TMC6: variants seen among roughly 807,000 people sequenced by gnomAD.
The protein encoded by TMC6 is transmembrane channel like 6.
Under a neutral mutation model 95.4 loss-of-function variants are expected in TMC6, and 71 were observed. That is an observed-to-expected ratio of 0.74 (90% CI 0.61 to 0.91). The LOEUF (loss-of-function observed/expected upper bound fraction) is 0.91. Among genes scored for constraint, TMC6 ranks in the 40% least tolerant of loss-of-function variants. TMC6 has a pLI of 0.00. For missense variants in TMC6, 1,074 were observed against 1,079.1 expected (o/e 1.00, Z 0.07); for synonymous variants, 514 against 483.1 (o/e 1.06, Z -0.84).
chr17:78,131,118 C>T (rs955456441), upstream of TMC6: 48 of 232,566 alleles, frequency 2.1e-4, no homozygotes, highest in African/African-American at 9.3e-4. Flanking sequence ...CAGGCTCTTC[C>T]GGAAGGGCAA....
upstream of TMC6, chr17:78,131,733 A>G: frequency 6.3e-7 from 1 of 1,583,022 alleles, no homozygotes; most frequent in Non-Finnish European, 8.6e-7. Flanking sequence ...CAAGCGCCTC[A>G]TCTGGTGGGT....
intron 15 of TMC6, 99 bp downstream of exon 15, chr17:78,118,871 TG>T: frequency 1.5e-6 from 2 of 1,342,060 alleles, no homozygotes; most frequent in Non-Finnish European, 2.1e-6. Context: ...TCCACTCAGG[TG>T]GGGAGGGTTC....
chr17:78,112,979 G>A lies in TMC6; in HGVS notation c.*169C>T. The A allele has an allele frequency of 1.4e-6, 1 of 713,482 alleles. No homozygotes were observed. 44.2% of individuals were successfully genotyped at this position (713,482 alleles called of 1,614,324 possible). A position where few individuals can be genotyped will look rare whatever the true frequency, so the allele number is the denominator to read the frequency against. On this transcript the variant is annotated 3_prime_UTR_variant, in exon 20 of 20. Transcript: ENST00000590602. ...GTCCCAGGCAGGGCAGAGTTCATTG[G>A]GGATGCCCAAGCCGGATTCACCCAC...
Position 78,117,929 on chromosome 17 carries a change from G to A in TMC6, c.1894C>T (p.Leu632Phe), listed in dbSNP as rs755695183. The change falls in exon 16 of 20, where the codon CTT becomes TTT. Residue 632 changes from leucine to phenylalanine, a missense_variant. Coordinates refer to ENST00000590602, the MANE Select transcript of TMC6 (RefSeq NM_001127198.5). ...LLVFYVKKTSLLANCQAPRRP... is the reference protein window; with the variant it reads ...LLVFYVKKTSFLANCQAPRRP... ...CGCGGCGCCTGGCAGTTGGCCAGAA[G>A]GCTGGTCTGTGGGGAAAGGCTGCGC... The A allele has an allele frequency of 9.4e-6, 15 of 1,600,876 alleles. No individual in the cohort carries two copies. Among genetic ancestry groups the A allele is most frequent in the East Asian group, 4.5e-5 (2 of 44,422 alleles).
rs1359378538 is a variant in TMC6, at chr17:78,120,740, T to C, written c.1628A>G (p.Asp543Gly). The C allele has an allele frequency of 2.3e-5, 37 of 1,613,390 alleles. No homozygotes were observed. In the Admixed American group the frequency reaches 6.2e-4, roughly 27 times the overall value. Residue 543 changes from aspartate (D) to glycine (G), a missense_variant, in exon 13 of 20, where the codon GAT becomes GGT. Coordinates refer to ENST00000590602, the MANE Select transcript of TMC6 (RefSeq NM_001127198.5). Reference sequence around the variant, plus strand: ...CCGGTACAGCTCCTGGCCCACAAAATCCTCCCAGCACTGGCCCTGCAGGAC... The same window carrying C: ...CCGGTACAGCTCCTGGCCCACAAAACCCTCCCAGCACTGGCCCTGCAGGAC... ...VGVLQGQCWE[D>G]FVGQELYRFL...
chr17:78,125,249 G>A lies in TMC6; in HGVS notation c.445C>T (p.Leu149=). The A allele has an allele frequency of 1.3e-6, 2 of 1,577,374 alleles. No homozygotes were observed. The highest frequency in any genetic ancestry group is 2.3e-5 in the South Asian group (2 of 86,318). ...ALEEEEKQSL[L]VKELQSLAVA... Reference sequence around the variant, plus strand: ...GCCAGGCTCTGGAGCTCCTTCACCAGGAGGCTCTGCTTCTCTGCGAGAGGG... The same window carrying A: ...GCCAGGCTCTGGAGCTCCTTCACCAAGAGGCTCTGCTTCTCTGCGAGAGGG... The change falls in exon 6 of 20, where the codon CTG becomes TTG. Residue 149 remains leucine, a synonymous_variant. Coordinates refer to ENST00000590602, the MANE Select transcript of TMC6 (RefSeq NM_001127198.5).
upstream of TMC6, chr17:78,132,152 TC>T (rs537947456): frequency 4.8e-6 from 7 of 1,450,166 alleles, no homozygotes; most frequent in South Asian, 1.2e-5. Context: ...AATCGGCCCC[TC>T]CCCCCTCCCA....
At position 78,121,148 on chromosome 17, in the gene TMC6, C is replaced by T; in HGVS notation, c.1400G>A (p.Gly467Asp). 3 of 1,597,616 alleles carry T rather than the reference C, an allele frequency of 1.9e-6. No individual in the cohort carries two copies. Among genetic ancestry groups the T allele is most frequent in the Non-Finnish European group, 2.6e-6 (3 of 1,172,972 alleles). The change falls in exon 12 of 20, where the codon GGC (glycine) becomes GAC (aspartate). Residue 467 changes from glycine to aspartate, a missense_variant. Coordinates refer to ENST00000590602, the MANE Select transcript of TMC6 (RefSeq NM_001127198.5). The surrounding 1 kb of genome is among the most constrained non-coding windows in gnomAD (Gnocchi z 5.6). ...EFMIQSPEAA[G>D]QEAVLLVLPL... is the part of the protein sequence containing the mutation. Reference sequence around the variant, plus strand: ...CAGGACCAGCAGCACAGCCTCCTGGCCAGCAGCCTCTGGACTCTGCAGGGG... The same window carrying T: ...CAGGACCAGCAGCACAGCCTCCTGGTCAGCAGCCTCTGGACTCTGCAGGGG...
chr17:78,113,288 C>A, intron 19 of TMC6, 77 bp from the exon 20 acceptor site: 2 of 1,481,398 alleles, frequency 1.4e-6, no homozygotes, highest in South Asian at 1.3e-5. Context: ...CAGCCAAGGC[C>A]CGGCGAGGGA....
chr17:78,120,438 G>C (rs550799396), intron 13 of TMC6: 18 of 721,466 alleles, frequency 2.5e-5, no homozygotes, highest in South Asian at 2.5e-4. Flanking sequence ...GGGATTACAG[G>C]CATGAGCCAC....
Position 78,121,046 on chromosome 17 carries a change from G to T in TMC6, c.1502C>A (p.Ser501Tyr), listed in dbSNP as rs749573628. Residue 501 changes from serine (S) to tyrosine (Y), a missense_variant, in exon 12 of 20, where the codon TCC (serine) becomes TAC (tyrosine). Ser to Tyr is a moderately radical substitution (Grantham distance 144). Transcript: ENST00000590602. This position sits in a 1 kb window ranked among gnomAD's most constrained non-coding sequence, Gnocchi z 5.6. ...GGCCACGTACACCTCCAGTACCGGG[G>T]AGTCATGCGGCTCCAGGGCGGCCAG... is the stretch of plus-strand genomic sequence containing the variant. ...RVLAALEPHD[S>Y]PVLEVYVAIC... The T allele has an allele frequency of 1.9e-6, 3 of 1,613,360 alleles. No homozygotes were observed. The highest frequency in any genetic ancestry group is 2.2e-5 in the East Asian group (1 of 44,888).
rs548688645 is a variant in TMC6, at chr17:78,121,530, G to A, written c.1383+26C>T. On this transcript the variant is annotated intron_variant, in intron 11 of 19. Transcript: ENST00000590602. This position sits in a 1 kb window ranked among gnomAD's most constrained non-coding sequence, Gnocchi z 5.6. ...GTCACTGGGGACACGTTCCAAGCAA[G>A]GGCCAGGCTCCCCCCATCCCCGCAC... is the stretch of plus-strand genomic sequence containing the variant. 5.5e-5 allele frequency: 88 copies of A among 1,610,744 alleles called. No homozygotes were observed. In the East Asian group the frequency reaches 1.5e-3, roughly 28 times the overall value.
Position 78,110,548 on chromosome 17 carries a change from GCCA to G in TMC6, c.*2597_*2599del, listed in dbSNP as rs2073805321. 6.6e-6 allele frequency: 1 copy of G among 152,128 alleles called. No homozygotes were observed. The highest frequency in any genetic ancestry group is 1.9e-4 in the East Asian group (1 of 5,200). 9.4% of individuals were successfully genotyped at this position (152,128 alleles called of 1,614,324 possible). On this transcript the variant is annotated 3_prime_UTR_variant, in exon 20 of 20. Transcript: ENST00000590602. ...GGAGCAGCTGCAATTACAGACAGGC[GCCA>G]CCACCTCCAGCAAGTACCAGTGTTT...
At chr17:78,131,783 G>T, upstream of TMC6, 1 of 1,549,628 alleles carries the variant, frequency 6.5e-7, no homozygotes, top group Non-Finnish European at 8.7e-7. Context: ...GGGGTGCTGC[G>T]AGGCTGCCCC....
At chr17:78,116,760 C>G (rs114808981) in intron 18 of TMC6, among the ~76,000 whole-genome samples, 2,951 of 152,210 alleles carry the variant, frequency 0.019, 93 homozygotes, top group African/African-American at 0.068. Flanking sequence ...AGGCCCTGTA[C>G]TCCCAGCTAC....
chr17:78,108,564 TGGA>T lies in TMC6; in HGVS notation c.*4581_*4583del, dbSNP rs2073751817. On this transcript the variant is annotated 3_prime_UTR_variant, in exon 20 of 20. Coordinates refer to ENST00000590602, the MANE Select transcript of TMC6 (RefSeq NM_001127198.5). ...TGTGCAAAGGATGTGGCAGGCTTCA[TGGA>T]GGAGGTGGCATTTGCCCTGGGCCTG... 1 of 155,028 alleles carries T rather than the reference TGGA, an allele frequency of 6.5e-6. No homozygotes were observed. The highest frequency in any genetic ancestry group is 1.5e-5 in the Non-Finnish European group (1 of 68,454). The allele number at this position is 155,028 out of a possible 1,614,324, so 9.6% of individuals were successfully genotyped here.
chr17:78,113,282 C>A, intron 19 of TMC6, 71 bp from the exon 20 acceptor site: 2 of 1,500,020 alleles, frequency 1.3e-6, no homozygotes, highest in Middle Eastern at 1.7e-4. Context: ...TGGGCGCAGC[C>A]AAGGCCCGGC....
In TMC6 at chr17:78,124,078, C is replaced by T; in HGVS notation, c.993G>A (p.Arg331=). The T allele has an allele frequency of 7.4e-6, 12 of 1,613,452 alleles. No homozygotes were observed. Among genetic ancestry groups the T allele is most frequent in the Non-Finnish European group, 1.0e-5 (12 of 1,179,974 alleles). ...GCATGTTGTAGGGCAGGCCACCCACCCTGGGTGTGCACTGGCTGCCATCCA... is the reference window on the plus strand; with the variant it reads ...GCATGTTGTAGGGCAGGCCACCCACTCTGGGTGTGCACTGGCTGCCATCCA... ...SPLDGSQCTP[R]VGGLPYNMPL... is the part of the protein sequence containing the mutation. Residue 331 remains arginine (R), a synonymous_variant, in exon 9 of 20, where the codon AGG becomes AGA. Transcript: ENST00000590602.
rs1456871288 is a variant in TMC6, at chr17:78,112,874, C to T, written c.*274G>A. 4.0e-6 allele frequency: 2 copies of T among 504,586 alleles called. No individual in the cohort carries two copies. The highest frequency in any genetic ancestry group is 4.0e-5 in the African/African-American group (2 of 50,108). 31.3% of individuals were successfully genotyped at this position (504,586 alleles called of 1,614,324 possible). On this transcript the variant is annotated 3_prime_UTR_variant, in exon 20 of 20. Transcript: ENST00000590602. ...GAGGTGGCCCCAGGGCAGCGGGAAG[C>T]AGGCCCCGGGTGTGGTCACAGACAC...
Sources: allele counts gnomAD v4.1 joint callset (sites outside exome capture counted in the v4.1 genomes callset), GRCh38; gene constraint gnomAD v4.1.1; non-coding constraint Gnocchi (gnomAD v3.1); transcripts MANE v1.5; gene names NCBI Gene and HGNC (gene_info 2026-07-23, HGNC 2026-07-21).